Variants in SORCS2 observed in about 807,000 individuals in gnomAD.
SORCS2 encodes the protein sortilin related VPS10 domain containing receptor 2, also known as VPS10 domain-containing receptor SorCS2.
SORCS2 carries 100 observed loss-of-function variants against 141.6 expected under a neutral mutation model. That is an observed-to-expected ratio of 0.71 (90% CI 0.60 to 0.83). The LOEUF (loss-of-function observed/expected upper bound fraction) is 0.83. Ranked by LOEUF, SORCS2 falls within the 40% of genes least tolerant of loss-of-function variation. The pLI is 0.00. For missense variants in SORCS2, 1,646 were observed against 1,560.2 expected (o/e 1.05, Z -0.93); for synonymous variants, 789 against 676.9 (o/e 1.17, Z -2.57).
At chr4:7,554,049 G>C (rs1403179446) in intron 3 of SORCS2, among the ~76,000 whole-genome samples, 2 of 152,224 alleles carry the variant, frequency 1.3e-5, no homozygotes, top group African/African-American at 4.8e-5. Flanking sequence ...CAACCAGGAA[G>C]TGTCACAAAT....
At chr4:7,457,959 A>G (rs1398816059) in intron 2 of SORCS2, among the ~76,000 whole-genome samples, 2 of 152,046 alleles carry the variant, frequency 1.3e-5, no homozygotes, top group African/African-American at 4.8e-5. Flanking sequence ...GGACGTCCAC[A>G]CTGTTAGCCC....
rs371782150 is a variant in SORCS2 at position 7,719,664 on chromosome 4, C to T, written c.2424+1481C>T. Among the ~76,000 whole-genome samples, 409 of 152,150 alleles carry T rather than the reference C, an allele frequency of 2.7e-3. 5 individuals are homozygous for T. Among genetic ancestry groups the T allele is most frequent in the African/African-American group, 9.5e-3 (392 of 41,416 alleles). On this transcript the variant is annotated intron_variant, in intron 18 of 26. Coordinates refer to ENST00000507866, the MANE Select transcript of SORCS2 (RefSeq NM_020777.3). ...GGCGGCAGGAGGACAGAGCCGCTGCCCCGCCTGTCCCGCTTGGACCCTCAG... is the reference window on the plus strand; with the variant it reads ...GGCGGCAGGAGGACAGAGCCGCTGCTCCGCCTGTCCCGCTTGGACCCTCAG...
intron 4 of SORCS2, among the ~76,000 whole-genome samples, chr4:7,643,413 A>G (rs1173467749): frequency 1.3e-5 from 2 of 152,206 alleles, no homozygotes; most frequent in Non-Finnish European, 2.9e-5. Flanking sequence ...TTCTAAAAGC[A>G]TAAACTCACT....
intron 1 of SORCS2, among the ~76,000 whole-genome samples, chr4:7,207,779 T>G (rs1727833273): frequency 6.6e-6 from 1 of 152,220 alleles, no homozygotes; most frequent in Non-Finnish European, 1.5e-5. Flanking sequence ...CCCAGCATAT[T>G]TCATGAACAT....
In SORCS2 at chr4:7,660,312, C is replaced by T. The variant is rs369209522; in HGVS notation, c.888-1188C>T. On this transcript the variant is annotated intron_variant, in intron 5 of 26. Transcript: ENST00000507866. Reference sequence around the variant, plus strand: ...GGTGGAGTGGGAGAACCACAGCCCCCGCCTGAGTGTCCTGACCCAGGAGCC... The same window carrying T: ...GGTGGAGTGGGAGAACCACAGCCCCTGCCTGAGTGTCCTGACCCAGGAGCC... 2.6e-3 allele frequency among the ~76,000 whole-genome samples: 391 copies of T among 152,302 alleles called. 3 individuals are homozygous for T. The highest frequency in any genetic ancestry group is 8.7e-3 in the African/African-American group (361 of 41,574).
At chr4:7,434,907 G>A in intron 2 of SORCS2, 2 of 1,504,936 alleles carry the variant, frequency 1.3e-6, no homozygotes, top group Non-Finnish European at 1.8e-6. Context: ...TGGCTCCAGA[G>A]TACCCAGCAG....
At chr4:7,417,897 G>A (rs1242911988) in intron 2 of SORCS2, among the ~76,000 whole-genome samples, 2 of 152,196 alleles carry the variant, frequency 1.3e-5, no homozygotes, top group African/African-American at 4.8e-5. Flanking sequence ...CCCACCAAGG[G>A]GCAACAAGTT....
intron 8 of SORCS2, among the ~76,000 whole-genome samples, chr4:7,672,066 C>A (rs751367290): frequency 9.2e-5 from 14 of 151,738 alleles, no homozygotes; most frequent in Admixed American, 2.6e-4. Flanking sequence ...GCCTCAGCCT[C>A]CTGAGTAGTT....
chr4:7,739,670 C>T (rs374140096), intron 26 of SORCS2, among the ~76,000 whole-genome samples: 4 of 152,278 alleles, frequency 2.6e-5, no homozygotes, highest in South Asian at 2.1e-4. Flanking sequence ...TGCTCCCAGC[C>T]GTGTCTCCCG....
intron 1 of SORCS2, among the ~76,000 whole-genome samples, chr4:7,235,628 G>A (rs1249844381): frequency 6.6e-6 from 1 of 152,234 alleles, no homozygotes; most frequent in Non-Finnish European, 1.5e-5. Context: ...ATAGGCACTA[G>A]GGTAGAGCGC....
intron 2 of SORCS2, chr4:7,434,130 C>T: frequency 1.9e-6 from 3 of 1,613,376 alleles, no homozygotes; most frequent in Non-Finnish European, 1.7e-6. Flanking sequence ...AGAATCCCCC[C>T]TTCCTGCAGA....
At chr4:7,600,487 G>T (rs1220356050) in intron 3 of SORCS2, among the ~76,000 whole-genome samples, 1 of 152,110 alleles carries the variant, frequency 6.6e-6, no homozygotes. Flanking sequence ...GCGGGAGACA[G>T]GTTTAGGAGG....
At chr4:7,693,408 C>A (rs1276775216) in intron 11 of SORCS2, among the ~76,000 whole-genome samples, 1 of 152,192 alleles carries the variant, frequency 6.6e-6, no homozygotes, top group African/African-American at 2.4e-5. Context: ...GGCAGGTCCT[C>A]GGGTTCCTGC....
At chr4:7,208,887 C>T (rs982611504) in intron 1 of SORCS2, among the ~76,000 whole-genome samples, 2 of 152,246 alleles carry the variant, frequency 1.3e-5, no homozygotes, top group Admixed American at 6.5e-5. Context: ...TGTGTGACGC[C>T]AACCTGGCTC....
At chr4:7,229,354 C>T (rs146420992) in intron 1 of SORCS2, among the ~76,000 whole-genome samples, 3 of 152,264 alleles carry the variant, frequency 2.0e-5, no homozygotes, top group East Asian at 1.9e-4. Context: ...GGGAGGATCT[C>T]GGTGCCAATT....
chr4:7,434,824 G>T (rs1450475576), intron 2 of SORCS2: 12 of 1,601,576 alleles, frequency 7.5e-6, no homozygotes, highest in Non-Finnish European at 1.0e-5. Flanking sequence ...GCCTGAGGTG[G>T]GGCTGGCCCT....
chr4:7,559,295 C>T (rs1049118649), intron 3 of SORCS2, among the ~76,000 whole-genome samples: 2 of 152,130 alleles, frequency 1.3e-5, no homozygotes, highest in Non-Finnish European at 1.5e-5. Context: ...CAGATCCAAC[C>T]ACACCTGGTT....
chr4:7,342,120 T>C (rs1720402498), intron 1 of SORCS2, among the ~76,000 whole-genome samples: 1 of 152,224 alleles, frequency 6.6e-6, no homozygotes, highest in African/African-American at 2.4e-5. Flanking sequence ...AATTGTGTTG[T>C]CCATCTCGGG....
In SORCS2 at chr4:7,323,682, A is replaced by C. The variant is rs1238680879; in HGVS notation, c.481-72606A>C. Among the ~76,000 whole-genome samples, 4 of 152,136 alleles carry C rather than the reference A, an allele frequency of 2.6e-5. No individual in the cohort carries two copies. The East Asian group carries it at 7.7e-4, about 29-fold the overall frequency. ...TGGCTAGGGGTAGAGGGTGGCGTTC[A>C]GAGTCAGCCCCATCTTTCCCTGTCC... On this transcript the variant is annotated intron_variant, in intron 1 of 26. Transcript: ENST00000507866.
Sources: gnomAD v4.1 joint callset for allele counts (sites outside exome capture counted in the v4.1 genomes callset) on GRCh38, gnomAD v4.1.1 for gene constraint, MANE v1.5 for transcripts, NCBI Gene and HGNC (gene_info 2026-07-23, HGNC 2026-07-21) for gene names.